RASAL2: variants seen among roughly 807,000 people sequenced by gnomAD.
RASAL2 encodes the protein RAS protein activator like 2.
A neutral mutation model predicts 128.9 loss-of-function variants in RASAL2; 58 were observed. The observed-to-expected ratio is 0.45, with a 90% CI of 0.36 to 0.56. The LOEUF is 0.56. Among genes scored for constraint, RASAL2 ranks in the 20% least tolerant of loss-of-function variants. RASAL2 has a pLI of 0.00. For synonymous variants in RASAL2, 561 were observed against 580.8 expected (o/e 0.97, Z 0.49); for missense variants, 1,360 against 1,601.6 (o/e 0.85, Z 2.57).
intron 4 of RASAL2, among the ~76,000 whole-genome samples, chr1:178,391,979 GACTA>G (rs912081452): frequency 1.1e-4 from 17 of 152,246 alleles, no homozygotes; most frequent in East Asian, 3.9e-4. Context: ...TCCATTTTCA[GACTA>G]ACTGAGAGCA....
intron 1 of RASAL2, among the ~76,000 whole-genome samples, chr1:178,239,327 C>T (rs1664392686): frequency 1.3e-5 from 2 of 152,016 alleles, no homozygotes; most frequent in South Asian, 4.1e-4. Flanking sequence ...GAGTTACTGT[C>T]AGCATTTGTG....
chr1:178,241,810 A>G (rs1193271311), intron 1 of RASAL2, among the ~76,000 whole-genome samples: 1 of 152,216 alleles, frequency 6.6e-6, no homozygotes, highest in African/African-American at 2.4e-5. Flanking sequence ...CCCCTTCCAC[A>G]AATACGTACA....
At chr1:178,411,845 A>C in intron 4 of RASAL2, 1 of 754,676 alleles carries the variant, frequency 1.3e-6, no homozygotes, top group Non-Finnish European at 2.5e-6. Flanking sequence ...CTACACGTCA[A>C]ACTCTGGGCC....
intron 16 of RASAL2, among the ~76,000 whole-genome samples, chr1:178,466,965 T>C (rs1440545568): frequency 6.6e-6 from 1 of 152,192 alleles, no homozygotes; most frequent in Non-Finnish European, 1.5e-5. Context: ...TTGAGGAAAC[T>C]TAGCTGTGCA....
chr1:178,159,748 G>A (rs1354533593), intron 1 of RASAL2, among the ~76,000 whole-genome samples: 1 of 152,056 alleles, frequency 6.6e-6, no homozygotes, highest in Non-Finnish European at 1.5e-5. Flanking sequence ...GGCCAGCATG[G>A]TGAAACTCTG....
chr1:178,354,399 T>G (rs1246814326), intron 3 of RASAL2, among the ~76,000 whole-genome samples: 2 of 152,234 alleles, frequency 1.3e-5, no homozygotes, highest in African/African-American at 2.4e-5. Flanking sequence ...ATATATGTAA[T>G]GGTGAAAAGC....
chr1:178,181,868 T>G (rs1662123080), intron 1 of RASAL2, among the ~76,000 whole-genome samples: 2 of 152,142 alleles, frequency 1.3e-5, no homozygotes, highest in Non-Finnish European at 2.9e-5. Context: ...TTACATCATG[T>G]CAAGGGTACA....
chr1:178,157,462 A>G (rs1661121586), intron 1 of RASAL2, among the ~76,000 whole-genome samples: 1 of 152,046 alleles, frequency 6.6e-6, no homozygotes, highest in Non-Finnish European at 1.5e-5. Context: ...CCTTGTGTGG[A>G]GTGGGGAATT....
intron 1 of RASAL2, among the ~76,000 whole-genome samples, chr1:178,192,184 T>C (rs1662517377): frequency 6.6e-6 from 1 of 152,180 alleles, no homozygotes; most frequent in Admixed American, 6.6e-5. Context: ...CCCCAGAGTT[T>C]CGTGGTACTC....
At chr1:178,396,844 T>C (rs1673266064) in intron 4 of RASAL2, among the ~76,000 whole-genome samples, 1 of 142,328 alleles carries the variant, frequency 7.0e-6, no homozygotes, top group Non-Finnish European at 1.5e-5. Context: ...AAAAAAAGGC[T>C]CTAGAAGAAT....
intron 15 of RASAL2, among the ~76,000 whole-genome samples, chr1:178,464,678 A>G (rs1189999161): frequency 6.6e-6 from 1 of 151,804 alleles, no homozygotes; most frequent in Non-Finnish European, 1.5e-5. Context: ...GCCTTAATCT[A>G]GAGGACACTC....
At chr1:178,106,760 G>T (rs1659105548) in intron 1 of RASAL2, among the ~76,000 whole-genome samples, 1 of 152,058 alleles carries the variant, frequency 6.6e-6, no homozygotes, top group Non-Finnish European at 1.5e-5. Context: ...GTTTTGTTCA[G>T]GTCAGAAAGT....
intron 4 of RASAL2, among the ~76,000 whole-genome samples, chr1:178,405,029 A>AG (rs1418723562): frequency 6.6e-6 from 1 of 152,140 alleles, no homozygotes; most frequent in East Asian, 1.9e-4. Context: ...TTCACCTTTC[A>AG]GTCTGACAGA....
chr1:178,290,076 T>A (rs1345386062), intron 2 of RASAL2, among the ~76,000 whole-genome samples: 1 of 152,234 alleles, frequency 6.6e-6, no homozygotes, highest in Non-Finnish European at 1.5e-5. Context: ...TTTATAGCAT[T>A]TGCCACCTGC....
At chr1:178,220,435 C>T (rs1663575547) in intron 1 of RASAL2, among the ~76,000 whole-genome samples, 1 of 152,036 alleles carries the variant, frequency 6.6e-6, no homozygotes. Flanking sequence ...ACAGTAGTAA[C>T]ATCAAAGATT....
intron 1 of RASAL2, among the ~76,000 whole-genome samples, chr1:178,203,987 C>G (rs1004833864): frequency 6.6e-6 from 1 of 152,184 alleles, no homozygotes; most frequent in Non-Finnish European, 1.5e-5. Context: ...TGCTGAGGTG[C>G]TTGCTGAAGG....
At chr1:178,186,883 G>C (rs1482739640) in intron 1 of RASAL2, among the ~76,000 whole-genome samples, 2 of 151,774 alleles carry the variant, frequency 1.3e-5, no homozygotes, top group African/African-American at 4.8e-5. Context: ...GATGACAGTG[G>C]TACAATCATA....
At chr1:178,442,475 G>A (rs2102846082) in intron 7 of RASAL2, among the ~76,000 whole-genome samples, 200 bp from the exon 8 acceptor site, 1 of 151,946 alleles carries the variant, frequency 6.6e-6, no homozygotes, top group Non-Finnish European at 1.5e-5. Flanking sequence ...TATATATAAT[G>A]AACTATATAT....
At chr1:178,395,995 A>C (rs984347408) in intron 4 of RASAL2, among the ~76,000 whole-genome samples, 4 of 151,928 alleles carry the variant, frequency 2.6e-5, no homozygotes, top group Non-Finnish European at 5.9e-5. Flanking sequence ...TATCTTAGAA[A>C]ATATATAATT....
Sources: allele counts gnomAD v4.1 joint callset (sites outside exome capture counted in the v4.1 genomes callset), GRCh38; gene constraint gnomAD v4.1.1; transcripts MANE v1.5; gene names NCBI Gene and HGNC (gene_info 2026-07-23, HGNC 2026-07-21).